Variants in UBE2V1 observed in about 807,000 individuals in gnomAD.
The protein encoded by UBE2V1 is ubiquitin-conjugating enzyme E2 variant 1.
UBE2V1 carries 15 observed loss-of-function variants against 19.6 expected under a neutral mutation model. That is an observed-to-expected ratio of 0.77 (90% CI 0.51 to 1.18). The LOEUF is 1.18. Among genes scored for constraint, UBE2V1 ranks in the 50% most tolerant of loss-of-function variants. The probability of loss-of-function intolerance (pLI) is 0.00; values close to 1 mark genes in which losing one functional copy is unlikely to be tolerated. For synonymous variants in UBE2V1, 60 were observed against 60.7 expected, an observed-to-expected ratio of 0.99 and a Z score of 0.05; for missense variants, 125 against 184.8, an observed-to-expected ratio of 0.68 and a Z score of 1.88.
At chr20:50,109,663 C>T (rs993257366) in intron 1 of UBE2V1, among the ~76,000 whole-genome samples, 4 of 149,006 alleles carry the variant, frequency 2.7e-5, no homozygotes, top group African/African-American at 5.0e-5. Flanking sequence ...GCAGGAGAAT[C>T]GCTTGAACCT....
At position 50,082,792 on chromosome 20, in the gene UBE2V1, G is replaced by C; in HGVS notation, c.420C>G (p.Pro140=). The C allele has an allele frequency of 6.2e-7, 1 of 1,612,938 alleles. No individual in the cohort carries two copies. The change falls in exon 4 of 4, where the codon CCC becomes CCG. Residue 140 remains proline, a synonymous_variant. Coordinates refer to ENST00000371674, the MANE Select transcript of UBE2V1 (RefSeq NM_001032288.3). The part of the protein sequence containing the change: ...SKENMKLPQP[P]EGQCYSN ...ATTAATTGCTGTAACACTGTCCTTC[G>C]GGCGGCTGAGGGAGTTTCATATTTT...
intron 2 of UBE2V1, among the ~76,000 whole-genome samples, chr20:50,089,542 A>G (rs1050732244): frequency 6.6e-6 from 1 of 152,174 alleles, no homozygotes; most frequent in Non-Finnish European, 1.5e-5. Flanking sequence ...CAGCTGACAA[A>G]GGAAAAGTGT....
chr20:50,096,404 A>G, intron 2 of UBE2V1: 1 of 678,420 alleles, frequency 1.5e-6, no homozygotes, highest in African/African-American at 1.8e-5. Flanking sequence ...ACGACATCTG[A>G]TGGTGCAATG....
At chr20:50,096,948 T>C in intron 1 of UBE2V1, 128 bp from the exon 2 acceptor site, 3 of 1,448,334 alleles carry the variant, frequency 2.1e-6, no homozygotes, top group Non-Finnish European at 2.8e-6. Flanking sequence ...CGGAAAGTTA[T>C]CACACCTCAA....
At chr20:50,104,658 A>G (rs1015412358) in intron 1 of UBE2V1, among the ~76,000 whole-genome samples, 1 of 145,440 alleles carries the variant, frequency 6.9e-6, no homozygotes, top group Non-Finnish European at 1.5e-5. Flanking sequence ...TCTGGCACAA[A>G]AAAAAAAAAA....
intron 1 of UBE2V1, among the ~76,000 whole-genome samples, chr20:50,106,444 G>A (rs535491333): frequency 1.5e-4 from 23 of 152,284 alleles, no homozygotes; most frequent in African/African-American, 5.1e-4. Flanking sequence ...TTCTGAAGTC[G>A]TTTAAAACAT....
At chr20:50,109,832 G>C (rs1486912660) in intron 1 of UBE2V1, among the ~76,000 whole-genome samples, 1 of 151,558 alleles carries the variant, frequency 6.6e-6, no homozygotes, top group African/African-American at 2.4e-5. Context: ...TATTTCTTTG[G>C]CTGAGCACAA....
rs929329105 is a variant in UBE2V1 at position 50,082,633 on chromosome 20, T to A, written c.*135A>T. ...CATTTACAGTATCTTAAGATAAATTTCCTTTGAATGGGAGCTTCCTTTCCG... is the reference window on the plus strand; with the variant it reads ...CATTTACAGTATCTTAAGATAAATTACCTTTGAATGGGAGCTTCCTTTCCG... On this transcript the variant is annotated 3_prime_UTR_variant, in exon 4 of 4. Transcript: ENST00000371674. The A allele has an allele frequency of 1.1e-5, 15 of 1,427,938 alleles. No homozygotes were observed. The highest frequency in any genetic ancestry group is 1.2e-5 in the Non-Finnish European group (13 of 1,083,848). 88.5% of individuals were successfully genotyped at this position (1,427,938 alleles called of 1,614,324 possible).
At chr20:50,091,924 ACTTTT>A (rs776893588) in intron 2 of UBE2V1, among the ~76,000 whole-genome samples, 10 of 152,224 alleles carry the variant, frequency 6.6e-5, no homozygotes, top group Non-Finnish European at 1.3e-4. Context: ...AGAAAGGATC[ACTTTT>A]CTTTTACTTC....
At chr20:50,094,119 T>C (rs2079440660) in intron 2 of UBE2V1, among the ~76,000 whole-genome samples, 3 of 120,866 alleles carry the variant, frequency 2.5e-5, no homozygotes, top group East Asian at 2.2e-4. Context: ...AATAAAAATA[T>C]ATTATATATT....
chr20:50,095,236 C>G (rs148004342), intron 2 of UBE2V1: 1 of 152,158 alleles, frequency 6.6e-6, no homozygotes, highest in African/African-American at 2.4e-5. Context: ...CTCAAGAAAC[C>G]GAAATCATTC....
At chr20:50,115,525 A>G, upstream of UBE2V1, 2 of 1,594,188 alleles carry the variant, frequency 1.3e-6, no homozygotes, top group Admixed American at 1.7e-5. Flanking sequence ...TTCCTTCATC[A>G]CTCAGTTTGC....
intron 2 of UBE2V1, 52 bp from the exon 3 acceptor site, chr20:50,084,306 A>G (rs773652046): frequency 7.6e-5 from 122 of 1,609,044 alleles, no homozygotes; most frequent in Non-Finnish European, 1.0e-4. Flanking sequence ...AAGCATTCAA[A>G]AAGGTAGAGC....
At chr20:50,099,006 G>C (rs989772975) in intron 1 of UBE2V1, 2 of 979,264 alleles carry the variant, frequency 2.0e-6, no homozygotes, top group Non-Finnish European at 2.4e-6. Flanking sequence ...TGACATTATA[G>C]GCAAAAAGCC....
chr20:50,093,565 C>T lies in UBE2V1; in HGVS notation c.171+3107G>A, dbSNP rs548129370. 5.3e-5 allele frequency among the ~76,000 whole-genome samples: 8 copies of T among 152,250 alleles called. No individual in the cohort carries two copies. The South Asian group carries it at 1.7e-3, about 32-fold the overall frequency. ...GAGAATGTGGAGAAATGGGAACTTT[C>T]GGGCATTGCTAGTAGGAATGTAAAA... On this transcript the variant is annotated intron_variant, in intron 2 of 3. Coordinates refer to ENST00000371674, the MANE Select transcript of UBE2V1 (RefSeq NM_001032288.3).
chr20:50,089,134 T>A (rs2079084109), intron 2 of UBE2V1, among the ~76,000 whole-genome samples: 1 of 152,060 alleles, frequency 6.6e-6, no homozygotes, highest in Non-Finnish European at 1.5e-5. Context: ...TCAAAGGGAA[T>A]CTAAGCTAAC....
intron 2 of UBE2V1, among the ~76,000 whole-genome samples, chr20:50,093,221 G>A (rs2079346176): frequency 6.6e-6 from 1 of 152,268 alleles, no homozygotes; most frequent in Non-Finnish European, 1.5e-5. Context: ...ACATTCAAGA[G>A]AAATTGGAAA....
intron 1 of UBE2V1, among the ~76,000 whole-genome samples, chr20:50,097,081 C>T (rs1162531340): frequency 1.3e-5 from 2 of 152,186 alleles, no homozygotes; most frequent in Non-Finnish European, 2.9e-5. Context: ...CCCACCCCTA[C>T]CCCTTGGACA....
intron 1 of UBE2V1, among the ~76,000 whole-genome samples, chr20:50,099,219 C>T (rs893089591): frequency 4.0e-5 from 6 of 151,652 alleles, no homozygotes; most frequent in African/African-American, 1.5e-4. Context: ...CTGGGCTGAA[C>T]TGTGTTCCCC....
Sources: allele counts gnomAD v4.1 joint callset (sites outside exome capture counted in the v4.1 genomes callset), GRCh38; gene constraint gnomAD v4.1.1; transcripts MANE v1.5; gene names NCBI Gene and HGNC (gene_info 2026-07-23, HGNC 2026-07-21).